Variants in RFX3 observed in about 807,000 individuals in gnomAD.
RFX3 encodes the protein transcription factor RFX3.
In RFX3, 14 loss-of-function variants were observed where a neutral mutation model predicts 98.6. That is an observed-to-expected ratio of 0.14 (90% confidence interval 0.09 to 0.22). RFX3 has a LOEUF of 0.22. RFX3 is among the 10% of genes least tolerant of loss of function. The pLI is 1.00. For missense variants in RFX3, 639 were observed against 926.9 expected (o/e 0.69, Z 4.03); for synonymous variants, 383 against 328.4 (o/e 1.17, Z -1.80).
chr9:3,429,424 T>C (rs949067202), intron 1 of RFX3, among the ~76,000 whole-genome samples: 25 of 149,686 alleles, frequency 1.7e-4, no homozygotes, highest in African/African-American at 5.6e-4. Context: ...TATACAAATA[T>C]ATATAATATA....
chr9:3,493,276 G>A (rs1458380874), intron 1 of RFX3, among the ~76,000 whole-genome samples: 1 of 152,118 alleles, frequency 6.6e-6, no homozygotes, highest in Non-Finnish European at 1.5e-5. Context: ...CCTTTCAGAT[G>A]ATTGAGAGAG....
Position 3,472,724 on chromosome 9 carries a change from G to A in RFX3, c.-9+53023C>T, listed in dbSNP as rs79670247. Among the ~76,000 whole-genome samples the A allele has an allele frequency of 8.5e-5, 13 of 152,294 alleles. No homozygotes were observed. In the East Asian group the frequency reaches 2.5e-3, roughly 29 times the overall value. ...ATTATTTTGTCAGTGAAATGATTGA[G>A]TTACTGTGTCAGTGAAGAATGAATA... On this transcript the variant is annotated intron_variant, in intron 1 of 16. Coordinates refer to ENST00000617270, the MANE Select transcript of RFX3 (RefSeq NM_001282116.2).
At chr9:3,301,030 G>C (rs1393335783) in intron 5 of RFX3, among the ~76,000 whole-genome samples, 1 of 151,654 alleles carries the variant, frequency 6.6e-6, no homozygotes, top group Non-Finnish European at 1.5e-5. Context: ...TTAGGTCTTA[G>C]GACCTGAATT....
rs138277368 is a variant in RFX3, at chr9:3,268,970, A to G, written c.1357+1401T>C. Among the ~76,000 whole-genome samples the G allele has an allele frequency of 6.1e-3, 931 of 152,116 alleles. 2 individuals are homozygous for G. Among genetic ancestry groups the G allele is most frequent in the Non-Finnish European group, 1.0e-2 (677 of 67,878 alleles). Reference sequence around the variant, plus strand: ...CTACCCTATGCAACTTCTTATAAACATCTCTAGAGATTATCACTCAGAGCA... The same window carrying G: ...CTACCCTATGCAACTTCTTATAAACGTCTCTAGAGATTATCACTCAGAGCA... On this transcript the variant is annotated intron_variant, in intron 11 of 16. Coordinates refer to ENST00000617270, the MANE Select transcript of RFX3 (RefSeq NM_001282116.2).
intron 9 of RFX3, among the ~76,000 whole-genome samples, chr9:3,272,081 A>G (rs1440030836): frequency 6.6e-6 from 1 of 152,074 alleles, no homozygotes; most frequent in African/African-American, 2.4e-5. Context: ...ACTGTCAATG[A>G]TGATAATTTT....
chr9:3,389,511 ATG>A (rs1036257735), intron 2 of RFX3, among the ~76,000 whole-genome samples: 1 of 152,100 alleles, frequency 6.6e-6, no homozygotes, highest in African/African-American at 2.4e-5. Flanking sequence ...AGACTCTATG[ATG>A]TTTTGTGAGA....
intron 7 of RFX3, among the ~76,000 whole-genome samples, chr9:3,287,532 T>A (rs1826782108): frequency 6.6e-6 from 1 of 151,942 alleles, no homozygotes; most frequent in East Asian, 1.9e-4. Flanking sequence ...GCTTTGATTG[T>A]CATAAGGTTT....
Position 3,362,602 on chromosome 9 carries a change from G to A in RFX3, c.118-15838C>T, listed in dbSNP as rs1010752499. Among the ~76,000 whole-genome samples the A allele has an allele frequency of 2.0e-5, 3 of 152,168 alleles. No individual in the cohort carries two copies. The East Asian group carries it at 5.8e-4, about 29-fold the overall frequency. ...TAGGAATTATTTACTAAAACTACATGATTGCTATAGGCAACTCTAACTTGT... is the reference window on the plus strand; with the variant it reads ...TAGGAATTATTTACTAAAACTACATAATTGCTATAGGCAACTCTAACTTGT... On this transcript the variant is annotated intron_variant, in intron 2 of 16. Transcript: ENST00000617270.
chr9:3,226,430 T>A (rs1817780553), intron 16 of RFX3, among the ~76,000 whole-genome samples: 1 of 152,134 alleles, frequency 6.6e-6, no homozygotes. Flanking sequence ...TAAAAGGGCT[T>A]CCATATATGG....
At chr9:3,381,660 T>C (rs1027729777) in intron 2 of RFX3, among the ~76,000 whole-genome samples, 20 of 152,078 alleles carry the variant, frequency 1.3e-4, no homozygotes, top group African/African-American at 2.4e-5. Context: ...ATATATATCT[T>C]TTCCTTGATT....
intron 2 of RFX3, among the ~76,000 whole-genome samples, chr9:3,353,408 G>C (rs1835391191): frequency 6.6e-6 from 1 of 151,996 alleles, no homozygotes; most frequent in South Asian, 2.1e-4. Context: ...AAATGTGGGA[G>C]CAGAGTATTA....
intron 4 of RFX3, among the ~76,000 whole-genome samples, chr9:3,309,412 T>G (rs892341116): frequency 6.6e-6 from 1 of 152,026 alleles, no homozygotes; most frequent in Non-Finnish European, 1.5e-5. Flanking sequence ...GCTGAAAACT[T>G]CCCCAATCAC....
intron 8 of RFX3, 59 bp downstream of exon 8, chr9:3,277,281 G>C: frequency 1.3e-6 from 2 of 1,574,754 alleles, no homozygotes; most frequent in Non-Finnish European, 1.7e-6. Context: ...TGCACTTGGA[G>C]AAAAGACTAA....
At position 3,266,268 on chromosome 9, in the gene RFX3, G is replaced by A. The variant is rs141835714; in HGVS notation, c.1395C>T (p.Ser465=). ...TGGCATTGGAAAGCCAACCTTCAAG[G>A]CTTTTTGCAAAATTTCGAATGGCTT... The part of the protein sequence containing the change: ...LTQAIRNFAK[S]LEGWLSNAMN... The change falls in exon 12 of 17, where the codon AGC becomes AGT. Residue 465 remains serine (S), a synonymous_variant. Transcript: ENST00000617270. The A allele has an allele frequency of 5.6e-6, 9 of 1,611,372 alleles. No individual in the cohort carries two copies. The highest frequency in any genetic ancestry group is 2.7e-5 in the African/African-American group (2 of 74,876).
chr9:3,501,554 CTTTTTTT>C (rs1051300818), intron 1 of RFX3, among the ~76,000 whole-genome samples: 204 of 122,606 alleles, frequency 1.7e-3, no homozygotes, highest in African/African-American at 6.1e-3. Context: ...TTTTTTCCTT[CTTTTTTT>C]TTTTTTTTTT....
At chr9:3,393,506 G>C (rs1840535411) in intron 2 of RFX3, among the ~76,000 whole-genome samples, 1 of 152,106 alleles carries the variant, frequency 6.6e-6, no homozygotes, top group African/African-American at 2.4e-5. Context: ...ATGAAAACCA[G>C]AGTGAGTTAA....
chr9:3,436,901 G>A (rs1464238534), intron 1 of RFX3, among the ~76,000 whole-genome samples: 1 of 151,940 alleles, frequency 6.6e-6, no homozygotes, highest in Non-Finnish European at 1.5e-5. Flanking sequence ...ACCTCAAAAT[G>A]TCAATCAATT....
At position 3,228,905 on chromosome 9, in the gene RFX3, C is replaced by G; in HGVS notation, c.1969-16G>C. The G allele has an allele frequency of 6.2e-7, 1 of 1,608,210 alleles. No individual in the cohort carries two copies. Among genetic ancestry groups the G allele is most frequent in the South Asian group, 1.1e-5 (1 of 90,138 alleles). On this transcript the variant is annotated splice_polypyrimidine_tract_variant and intron_variant, in intron 15 of 16. Coordinates refer to ENST00000617270, the MANE Select transcript of RFX3 (RefSeq NM_001282116.2). ...AATCACCAAACTGCAAAACAATAGT[C>G]ATTTGTGCAATAGTTAATATAGGGC...
chr9:3,339,492 G>C (rs1483854314), intron 3 of RFX3, among the ~76,000 whole-genome samples: 4 of 152,188 alleles, frequency 2.6e-5, no homozygotes, highest in Non-Finnish European at 5.9e-5. Context: ...TGCCACATCA[G>C]CATCTCAATT....
Sources: allele counts gnomAD v4.1 joint callset (sites outside exome capture counted in the v4.1 genomes callset), GRCh38; gene constraint gnomAD v4.1.1; transcripts MANE v1.5; gene names NCBI Gene and HGNC (gene_info 2026-07-23, HGNC 2026-07-21).